The following EIF2A variants were observed in gnomAD, a reference collection of about 807,000 sequenced individuals.
EIF2A encodes 65 kDa eukaryotic translation initiation factor 2A.
In EIF2A, 62 loss-of-function variants were observed where a neutral mutation model predicts 75.2. That is an observed-to-expected ratio of 0.82 (90% confidence interval 0.67 to 1.02). The LOEUF (loss-of-function observed/expected upper bound fraction) is 1.02, where lower values mean the gene tolerates loss of function less well. EIF2A is among the 50% of genes least tolerant of loss of function. The pLI is 0.00. For synonymous variants in EIF2A, 207 were observed against 239.0 expected (o/e 0.87, Z 1.23); for missense variants, 611 against 677.7 (o/e 0.90, Z 1.09).
At chr3:150,565,934 T>G (rs1345381810) in intron 6 of EIF2A, 1 of 152,516 alleles carries the variant, frequency 6.6e-6, no homozygotes, top group Non-Finnish European at 1.5e-5. Flanking sequence ...TAGCTGAGAT[T>G]ACAGGCATGT....
rs1334188835 is a variant in EIF2A, at chr3:150,574,009, A to G, written c.1383+1480A>G. Among the ~76,000 whole-genome samples, 10 of 152,242 alleles carry G rather than the reference A, an allele frequency of 6.6e-5. No homozygotes were observed. In the South Asian group the frequency reaches 1.9e-3, roughly 28 times the overall value. ...TGGATCGCCTGAGCTCAGGAGTTTG[A>G]GACCAGCCAGGGCAACATGGTGAGA... On this transcript the variant is annotated intron_variant, in intron 10 of 13. Coordinates refer to ENST00000460851, the MANE Select transcript of EIF2A (RefSeq NM_032025.5).
chr3:150,557,813 T>C, intron 2 of EIF2A: 1 of 266,028 alleles, frequency 3.8e-6, no homozygotes, highest in Non-Finnish European at 7.6e-6. Flanking sequence ...AATGCAAAGA[T>C]AGTGTAAGGG....
chr3:150,563,652 T>C (rs1237366581), intron 5 of EIF2A, 38 bp downstream of exon 5: 1 of 1,367,000 alleles, frequency 7.3e-7, no homozygotes, highest in Non-Finnish European at 9.9e-7. Context: ...TTTTACATAG[T>C]ATTTTTAATG....
intron 2 of EIF2A, chr3:150,557,806 G>A (rs1273435617): frequency 3.8e-6 from 1 of 266,666 alleles, no homozygotes; most frequent in African/African-American, 2.4e-5. Flanking sequence ...ATGAATTAAT[G>A]CAAAGATAGT....
At chr3:150,566,658 A>C (rs1394195196) in intron 6 of EIF2A, 28 of 152,146 alleles carry the variant, frequency 1.8e-4, no homozygotes, top group Admixed American at 1.8e-3. Flanking sequence ...GAATCTTGTT[A>C]CTCTGGAATA....
intron 1 of EIF2A, among the ~76,000 whole-genome samples, chr3:150,548,213 TCCTATG>T (rs1292843784): frequency 6.6e-6 from 1 of 152,224 alleles, no homozygotes; most frequent in African/African-American, 2.4e-5. Flanking sequence ...TCTAGTACTA[TCCTATG>T]CCTCTTGTTG....
Position 150,583,195 on chromosome 3 carries a change from T to G in EIF2A, c.1627-5T>G. 6.2e-7 allele frequency: 1 copy of G among 1,611,258 alleles called. No individual in the cohort carries two copies. The highest frequency in any genetic ancestry group is 1.7e-5 in the Admixed American group (1 of 59,278). On this transcript the variant is annotated splice_polypyrimidine_tract_variant and splice_region_variant and intron_variant, in intron 12 of 13. Coordinates refer to ENST00000460851, the MANE Select transcript of EIF2A (RefSeq NM_032025.5). ...ATGCTCTTGACTCATATTTGATGTT[T>G]GCAGAAACTGAAAGCAATCGAACAA...
rs985542420 is a variant in EIF2A, at chr3:150,585,911, T to A, written c.*2000T>A. ...AAGACATGGTGAGAAAGCAGCCAGCTGTAAGCCAGAGAGTCCTCACCAGAA... is the reference window on the plus strand; with the variant it reads ...AAGACATGGTGAGAAAGCAGCCAGCAGTAAGCCAGAGAGTCCTCACCAGAA... On this transcript the variant is annotated 3_prime_UTR_variant, in exon 14 of 14. Coordinates refer to ENST00000460851, the MANE Select transcript of EIF2A (RefSeq NM_032025.5). Among the ~76,000 whole-genome samples, 12 of 152,342 alleles carry A rather than the reference T, an allele frequency of 7.9e-5. No individual in the cohort carries two copies. The highest frequency in any genetic ancestry group is 2.2e-4 in the African/African-American group (9 of 41,580).
At chr3:150,562,135 A>G (rs935952446) in intron 3 of EIF2A, among the ~76,000 whole-genome samples, 7 of 150,968 alleles carry the variant, frequency 4.6e-5, no homozygotes, top group Non-Finnish European at 7.4e-5. Context: ...AAAAATGAAC[A>G]TTTTGGGCTG....
rs1725374453 is a variant in EIF2A, at chr3:150,584,748, T to A, written c.*837T>A. Among the ~76,000 whole-genome samples, 1 of 152,244 alleles carries A rather than the reference T, an allele frequency of 6.6e-6. No individual in the cohort carries two copies. Among genetic ancestry groups the A allele is most frequent in the African/African-American group, 2.4e-5 (1 of 41,468 alleles). ...GGTTGTATTTCTTTAGTGAATTGAT[T>A]TTTCTTTTCCTTTGCCCATTTTTCT... On this transcript the variant is annotated 3_prime_UTR_variant, in exon 14 of 14. Transcript: ENST00000460851.
intron 12 of EIF2A, among the ~76,000 whole-genome samples, 161 bp downstream of exon 12, chr3:150,581,907 A>G (rs1253419844): frequency 6.6e-6 from 1 of 152,202 alleles, no homozygotes; most frequent in Non-Finnish European, 1.5e-5. Context: ...TAGGAATGGT[A>G]TTGATTTTAG....
Position 150,561,795 on chromosome 3 carries a change from AT to A in EIF2A, c.174-734del, listed in dbSNP as rs60277430. 2.5e-3 allele frequency among the ~76,000 whole-genome samples: 355 copies of A among 143,344 alleles called. 1 individual carries two copies. The highest frequency in any genetic ancestry group is 0.013 in the East Asian group (59 of 4,638). 94.0% of individuals were successfully genotyped at this position (143,344 alleles called of 152,430 possible). A position where few individuals can be genotyped will look rare whatever the true frequency, so the allele number is the denominator to read the frequency against. On this transcript the variant is annotated intron_variant, in intron 3 of 13. Transcript: ENST00000460851. ...ATAGGAGCCTTTTGGTAAAATATAC[AT>A]TTTTTTTTTTTTGAGATGGAGTCTC...
intron 6 of EIF2A, 68 bp from the exon 7 acceptor site, chr3:150,567,624 GT>G: frequency 9.6e-7 from 1 of 1,038,854 alleles, no homozygotes; most frequent in Non-Finnish European, 1.4e-6. Flanking sequence ...CTTTGATAAT[GT>G]ATTCAGAGTT....
intron 3 of EIF2A, among the ~76,000 whole-genome samples, chr3:150,559,462 T>C (rs1043335905): frequency 6.6e-6 from 1 of 151,658 alleles, no homozygotes; most frequent in Non-Finnish European, 1.5e-5. Flanking sequence ...CCTCCCGAAG[T>C]GTTGTGATTA....
intron 1 of EIF2A, among the ~76,000 whole-genome samples, chr3:150,550,333 T>C (rs951859727): frequency 6.6e-6 from 1 of 152,200 alleles, no homozygotes; most frequent in Non-Finnish European, 1.5e-5. Context: ...GAAAGTTACA[T>C]GTAGAAAAAA....
At chr3:150,561,691 G>A (rs181695189) in intron 3 of EIF2A, among the ~76,000 whole-genome samples, 1 of 152,174 alleles carries the variant, frequency 6.6e-6, no homozygotes, top group East Asian at 1.9e-4. Flanking sequence ...TCACTTAAAG[G>A]CATTTTTTTC....
At chr3:150,577,826 T>TA (rs1324730817) in intron 11 of EIF2A, among the ~76,000 whole-genome samples, 1 of 152,200 alleles carries the variant, frequency 6.6e-6, no homozygotes, top group African/African-American at 2.4e-5. Context: ...GGGAGGCAGT[T>TA]ACTATTTTAA....
intron 12 of EIF2A, among the ~76,000 whole-genome samples, chr3:150,582,505 G>A (rs987558196): frequency 4.0e-5 from 6 of 151,764 alleles, no homozygotes; most frequent in African/African-American, 1.2e-4. Flanking sequence ...TAGTAGAGAC[G>A]GGGTTTCACC....
chr3:150,581,615 C>T lies in EIF2A; in HGVS notation c.1498-3C>T. ...ATTGAATTTAAAAAAATATTTCCTGCAGGAAGCAAGAAGTGACAAGAGTCC... is the reference window on the plus strand; with the variant it reads ...ATTGAATTTAAAAAAATATTTCCTGTAGGAAGCAAGAAGTGACAAGAGTCC... On this transcript the variant is annotated splice_polypyrimidine_tract_variant and splice_region_variant and intron_variant, in intron 11 of 13. Transcript: ENST00000460851. 6.5e-7 allele frequency: 1 copy of T among 1,549,116 alleles called. No homozygotes were observed. The highest frequency in any genetic ancestry group is 8.7e-7 in the Non-Finnish European group (1 of 1,146,242).
Sources: gnomAD v4.1 joint callset for allele counts (sites outside exome capture counted in the v4.1 genomes callset) on GRCh38, gnomAD v4.1.1 for gene constraint, MANE v1.5 for transcripts, NCBI Gene and HGNC (gene_info 2026-07-23, HGNC 2026-07-21) for gene names.